The following PLXNC1 variants were observed in gnomAD, a reference collection of about 807,000 sequenced individuals.
PLXNC1 encodes the protein plexin-C1.
In PLXNC1, 75 loss-of-function variants were observed where a neutral mutation model predicts 178.2. That is an observed-to-expected ratio of 0.42 (90% CI 0.35 to 0.51). The LOEUF is 0.51. Among genes scored for constraint, PLXNC1 ranks in the 20% least tolerant of loss-of-function variants. PLXNC1 has a pLI of 0.02. For missense variants in PLXNC1, 1,503 were observed against 1,984.4 expected (o/e 0.76, Z 4.61); for synonymous variants, 790 against 779.9 (o/e 1.01, Z -0.22).
chr12:94,250,300 C>A (rs986530745), intron 14 of PLXNC1, among the ~76,000 whole-genome samples: 1 of 152,068 alleles, frequency 6.6e-6, no homozygotes, highest in Non-Finnish European at 1.5e-5. Context: ...TTGAGGAGGG[C>A]GCCATGAGCT....
chr12:94,186,618 A>T (rs1962519636), intron 4 of PLXNC1, 145 bp downstream of exon 4: 1 of 615,304 alleles, frequency 1.6e-6, no homozygotes. Flanking sequence ...GTGCAATCCT[A>T]ATGAATTCTC....
chr12:94,297,447 C>A (rs1238407208), intron 26 of PLXNC1, 24 bp downstream of exon 26: 1 of 1,482,118 alleles, frequency 6.7e-7, no homozygotes, highest in Non-Finnish European at 9.4e-7. Context: ...TCTGGGAGCA[C>A]TTTATGGCTA....
rs1322736583 is a variant in PLXNC1 at position 94,307,421 on chromosome 12, T to TAAAC, written c.*2138_*2141dup. Reference sequence around the variant, plus strand: ...AGACAATCAGTCACTGGGTCTATATTAAACAGCAACCAGAGCAACAAATGG... The same window carrying TAAAC: ...AGACAATCAGTCACTGGGTCTATATTAAACAAACAGCAACCAGAGCAACAAATGG... On this transcript the variant is annotated 3_prime_UTR_variant, in exon 31 of 31. Coordinates refer to ENST00000258526, the MANE Select transcript of PLXNC1 (RefSeq NM_005761.3). The TAAAC allele has an allele frequency of 1.1e-4, 16 of 152,338 alleles. No homozygotes were observed. Among genetic ancestry groups the TAAAC allele is most frequent in the African/African-American group, 3.6e-4 (15 of 41,580 alleles). The allele number at this position is 152,338 out of a possible 1,614,324, so 9.4% of individuals were successfully genotyped here.
At chr12:94,174,814 G>C (rs1460517698) in intron 2 of PLXNC1, among the ~76,000 whole-genome samples, 1 of 152,146 alleles carries the variant, frequency 6.6e-6, no homozygotes, top group Non-Finnish European at 1.5e-5. Flanking sequence ...TGGGTTCATT[G>C]GTTGGCTGTT....
At chr12:94,158,859 C>T (rs999638966) in intron 1 of PLXNC1, among the ~76,000 whole-genome samples, 1 of 152,120 alleles carries the variant, frequency 6.6e-6, no homozygotes, top group African/African-American at 2.4e-5. Flanking sequence ...TGGGAGTTTC[C>T]GGAGCCCTAC....
chr12:94,180,534 T>G (rs1962266894), intron 2 of PLXNC1, among the ~76,000 whole-genome samples: 1 of 152,188 alleles, frequency 6.6e-6, no homozygotes, highest in African/African-American at 2.4e-5. Flanking sequence ...TTCACTGCCA[T>G]TTTTCAAACA....
intron 23 of PLXNC1, chr12:94,282,916 G>C (rs976564599): frequency 6.5e-6 from 1 of 153,934 alleles, no homozygotes; most frequent in Admixed American, 6.4e-5. Context: ...GAGTGCCGAG[G>C]GCGGTGAGGG....
intron 2 of PLXNC1, among the ~76,000 whole-genome samples, chr12:94,171,337 A>G (rs933903799): frequency 6.6e-6 from 1 of 152,090 alleles, no homozygotes; most frequent in Admixed American, 6.5e-5. Flanking sequence ...TCAAGGTTTG[A>G]ATAACAAAGG....
chr12:94,247,359 T>G (rs1964556889), intron 12 of PLXNC1, among the ~76,000 whole-genome samples: 1 of 152,230 alleles, frequency 6.6e-6, no homozygotes, highest in South Asian at 2.1e-4. Flanking sequence ...CTGAAAACCC[T>G]TGTCCTCCTT....
chr12:94,199,137 C>T (rs1486697552), intron 4 of PLXNC1, among the ~76,000 whole-genome samples: 1 of 152,196 alleles, frequency 6.6e-6, no homozygotes, highest in Non-Finnish European at 1.5e-5. Context: ...TGAGAAGGGG[C>T]ATCTGAGCCA....
chr12:94,218,714 C>T (rs1963712003), intron 5 of PLXNC1, among the ~76,000 whole-genome samples: 1 of 152,096 alleles, frequency 6.6e-6, no homozygotes, highest in African/African-American at 2.4e-5. Flanking sequence ...CACACACACA[C>T]ACGTACAGGC....
At chr12:94,253,422 GA>G in intron 15 of PLXNC1, among the ~76,000 whole-genome samples, 1 of 152,014 alleles carries the variant, frequency 6.6e-6, no homozygotes, top group Non-Finnish European at 1.5e-5. Flanking sequence ...TCTGGAGCTA[GA>G]AAAAAATGAG....
intron 23 of PLXNC1, among the ~76,000 whole-genome samples, chr12:94,288,497 C>T (rs1307221938): frequency 1.3e-5 from 2 of 152,186 alleles, no homozygotes; most frequent in African/African-American, 4.8e-5. Flanking sequence ...AGGTTAATTT[C>T]AAGTAAACAA....
intron 25 of PLXNC1, 41 bp from the exon 26 acceptor site, chr12:94,297,275 A>AGT: frequency 6.2e-7 from 1 of 1,612,970 alleles, no homozygotes. Context: ...CTGTAGCAAG[A>AGT]GTGGTCTCCT....
At chr12:94,176,038 A>G (rs1962037242) in intron 2 of PLXNC1, among the ~76,000 whole-genome samples, 1 of 152,230 alleles carries the variant, frequency 6.6e-6, no homozygotes, top group South Asian at 2.1e-4. Context: ...GATTGACTTC[A>G]GATTAGATCT....
At chr12:94,277,682 C>T (rs1446674525) in intron 21 of PLXNC1, 3 of 331,958 alleles carry the variant, frequency 9.0e-6, no homozygotes, top group South Asian at 2.3e-5. Context: ...AGATACTGAG[C>T]ATGGAGTGGG....
At chr12:94,279,347 A>G in intron 21 of PLXNC1, 125 bp from the exon 22 acceptor site, 1 of 699,610 alleles carries the variant, frequency 1.4e-6, no homozygotes, top group Non-Finnish European at 2.4e-6. Context: ...GTCTAATGCA[A>G]TACAGTGTTT....
intron 23 of PLXNC1, among the ~76,000 whole-genome samples, chr12:94,285,409 T>C (rs1035674942): frequency 3.0e-4 from 45 of 152,136 alleles, no homozygotes; most frequent in African/African-American, 1.0e-3. Flanking sequence ...AGTGGTTGCG[T>C]TGGGTGATGA....
chr12:94,299,585 G>T (rs1968264507), intron 27 of PLXNC1, among the ~76,000 whole-genome samples: 1 of 151,906 alleles, frequency 6.6e-6, no homozygotes, highest in Non-Finnish European at 1.5e-5. Flanking sequence ...TTGAGACAGG[G>T]TCTCACTCTT....
Sources: gnomAD v4.1 joint callset for allele counts (sites outside exome capture counted in the v4.1 genomes callset) on GRCh38, gnomAD v4.1.1 for gene constraint, MANE v1.5 for transcripts, NCBI Gene and HGNC (gene_info 2026-07-23, HGNC 2026-07-21) for gene names.